Variants in EPHA1 observed in about 807,000 individuals in gnomAD.
EPHA1 encodes EPH receptor A1, also known as ephrin type-A receptor 1.
Under a neutral mutation model 110.1 loss-of-function variants are expected in EPHA1, and 92 were observed. The observed-to-expected ratio is 0.84, with a 90% confidence interval of 0.71 to 0.99. EPHA1 has a LOEUF of 0.99. Ranked by LOEUF, EPHA1 falls within the 50% of genes least tolerant of loss-of-function variation. EPHA1 has a pLI of 0.00. For missense variants in EPHA1, 1,204 were observed against 1,285.4 expected (o/e 0.94, Z 0.97); for synonymous variants, 500 against 516.1 (o/e 0.97, Z 0.42).
chr7:143,396,595 A>T (rs1805259230), intron 10 of EPHA1, 85 bp from the exon 11 acceptor site: 1 of 1,480,982 alleles, frequency 6.8e-7, no homozygotes, highest in Non-Finnish European at 9.2e-7. Flanking sequence ...AGCGGACCAC[A>T]CACTTCTCCA....
At chr7:143,402,831 C>T (rs1805458340) in intron 2 of EPHA1, among the ~76,000 whole-genome samples, 1 of 152,126 alleles carries the variant, frequency 6.6e-6, no homozygotes, top group Non-Finnish European at 1.5e-5. Context: ...AATCATTATA[C>T]CTCTGTGTGC....
At chr7:143,404,149 G>C (rs1412829857) in intron 2 of EPHA1, among the ~76,000 whole-genome samples, 1 of 151,840 alleles carries the variant, frequency 6.6e-6, no homozygotes, top group African/African-American at 2.4e-5. Flanking sequence ...TAAAATTTGT[G>C]TAGGTTGGCT....
intron 3 of EPHA1, chr7:143,400,687 C>G (rs944449570): frequency 1.9e-5 from 3 of 154,102 alleles, no homozygotes; most frequent in Admixed American, 1.9e-4. Context: ...GTCTAAATAA[C>G]TCTGTGCTAC....
chr7:143,401,736 C>T lies in EPHA1; in HGVS notation c.151-131G>A, dbSNP rs1362369351. 4.7e-6 allele frequency: 5 copies of T among 1,067,318 alleles called. No individual in the cohort carries two copies. In the East Asian group the frequency reaches 1.2e-4, roughly 26 times the overall value. 66.1% of individuals were successfully genotyped at this position (1,067,318 alleles called of 1,614,324 possible). On this transcript the variant is annotated intron_variant, in intron 2 of 17. Coordinates refer to ENST00000275815, the MANE Select transcript of EPHA1 (RefSeq NM_005232.5). This position sits in a 1 kb window ranked among gnomAD's most constrained non-coding sequence, Gnocchi z 4.1. ...ATGCTACTTGTTCTGCCTCTCCCCA[C>T]CCCTCAGCTCCAGGACAGTAGACTG...
chr7:143,401,124 C>T lies in EPHA1; in HGVS notation c.432+200G>A, dbSNP rs891982437. 5.9e-6 allele frequency: 4 copies of T among 678,528 alleles called. No homozygotes were observed. In the African/African-American group the frequency reaches 7.2e-5, roughly 12 times the overall value. The allele number at this position is 678,528 out of a possible 1,614,324, so 42.0% of individuals were successfully genotyped here. A position where few individuals can be genotyped will look rare whatever the true frequency, so the allele number is the denominator to read the frequency against. ...CCCAGGCTGGTCTCAAGCTCCTGGCCTCAAGTGATCTTCCCACATCGGTTT... is the reference window on the plus strand; with the variant it reads ...CCCAGGCTGGTCTCAAGCTCCTGGCTTCAAGTGATCTTCCCACATCGGTTT... On this transcript the variant is annotated intron_variant, in intron 3 of 17. Transcript: ENST00000275815. The surrounding 1 kb of genome is among the most constrained non-coding windows in gnomAD (Gnocchi z 4.1).
Position 143,391,496 on chromosome 7 carries a change from C to T in EPHA1, c.2892G>A (p.Gln964=), listed in dbSNP as rs759372771. Residue 964 remains glutamine, a synonymous_variant, in exon 18 of 18, where the codon CAG becomes CAA. Coordinates refer to ENST00000275815, the MANE Select transcript of EPHA1 (RefSeq NM_005232.5). ...TQMGITLPGH[Q]KRILCSIQGF... ...CCTGAATACTGCAAAGAATGCGCTT[C>T]TGGTGCCCGGGCAGTGTGATTCCCA... The T allele has an allele frequency of 1.9e-6, 3 of 1,614,186 alleles. No individual in the cohort carries two copies. In the South Asian group the frequency reaches 3.3e-5, roughly 18 times the overall value.
intron 1 of EPHA1, 50 bp from the exon 2 acceptor site, chr7:143,407,728 C>T (rs762364397): frequency 6.6e-7 from 1 of 1,507,614 alleles, no homozygotes; most frequent in East Asian, 2.3e-5. Flanking sequence ...AGGAGGTGCC[C>T]CTGCAGCCCA....
chr7:143,404,364 T>C (rs1048463025), intron 2 of EPHA1, among the ~76,000 whole-genome samples: 3 of 151,840 alleles, frequency 2.0e-5, no homozygotes, highest in Admixed American at 6.6e-5. Context: ...CTACAGGCGC[T>C]CGCCACCATG....
chr7:143,394,043 T>G, intron 15 of EPHA1, 151 bp downstream of exon 15: 2 of 1,238,860 alleles, frequency 1.6e-6, no homozygotes, highest in Non-Finnish European at 2.2e-6. Flanking sequence ...GAGCAGGGCA[T>G]GAGGTGAAGA....
At chr7:143,391,827 G>A in intron 16 of EPHA1, 52 bp from the exon 17 acceptor site, 1 of 1,594,310 alleles carries the variant, frequency 6.3e-7, no homozygotes, top group South Asian at 1.1e-5. Context: ...TGATCTGGTT[G>A]GCCTTGGCCT....
chr7:143,407,159 G>A (rs1206053189), intron 2 of EPHA1, among the ~76,000 whole-genome samples: 2 of 152,136 alleles, frequency 1.3e-5, no homozygotes, highest in African/African-American at 4.8e-5. Context: ...ACAGAATTTA[G>A]AGTACACTTT....
In EPHA1 at chr7:143,401,512, G is replaced by A. The variant is rs74721927; in HGVS notation, c.244C>T (p.Arg82Cys). 68 of 1,614,126 alleles carry A rather than the reference G, an allele frequency of 4.2e-5. No homozygotes were observed. Among genetic ancestry groups the A allele is most frequent in the East Asian group, 8.9e-5 (4 of 44,878 alleles). Reference sequence around the variant, plus strand: ...TCCCCGCGGTAGATCCAATTGGAGCGAAGCCAGTGGTCAGTGTCTCTGCGT... The same window carrying A: ...TCCCCGCGGTAGATCCAATTGGAGCAAAGCCAGTGGTCAGTGTCTCTGCGT... ...QGRRDTDHWL[R>C]SNWIYRGEEA... The change falls in exon 3 of 18, where the codon CGC (arginine) becomes TGC (cysteine). Residue 82 changes from arginine to cysteine, a missense_variant. Transcript: ENST00000275815. The surrounding 1 kb of genome is among the most constrained non-coding windows in gnomAD (Gnocchi z 4.1).
At chr7:143,408,473 C>T (rs62472728) in intron 1 of EPHA1, among the ~76,000 whole-genome samples, 21,983 of 151,836 alleles carry the variant, frequency 0.14, 2,307 homozygotes, top group East Asian at 0.28. Context: ...GAATTCCCTC[C>T]CCACTCCCAG....
intron 16 of EPHA1, among the ~76,000 whole-genome samples, chr7:143,392,968 G>A (rs1805134000): frequency 6.6e-6 from 1 of 151,990 alleles, no homozygotes; most frequent in African/African-American, 2.4e-5. Flanking sequence ...CAACAACTCT[G>A]CACTCATGGT....
chr7:143,399,772 G>A lies in EPHA1; in HGVS notation c.714C>T (p.Ser238=), dbSNP rs778738186. 5 of 1,611,728 alleles carry A rather than the reference G, an allele frequency of 3.1e-6. No individual in the cohort carries two copies. In the South Asian group the frequency reaches 4.4e-5, roughly 14 times the overall value. The part of the protein sequence containing the change: ...AGTCLPHARA[S]PRPSGAPRMH... ...TGCGGGGTGCACCTGAGGGCCTGGG[G>A]CTGGCCCGCGCGTGGGGCAAGCAGG... The change falls in exon 4 of 18, where the codon AGC becomes AGT. Residue 238 remains serine (S), a synonymous_variant. Coordinates refer to ENST00000275815, the MANE Select transcript of EPHA1 (RefSeq NM_005232.5).
chr7:143,398,661 A>C lies in EPHA1; in HGVS notation c.1276T>G (p.Ser426Ala). The C allele has an allele frequency of 3.1e-6, 5 of 1,614,060 alleles. No individual in the cohort carries two copies. Among genetic ancestry groups the C allele is most frequent in the Non-Finnish European group, 4.2e-6 (5 of 1,179,996 alleles). Residue 426 changes from serine (S) to alanine (A), a missense_variant, in exon 6 of 18, where the codon TCA (serine) becomes GCA (alanine). Transcript: ENST00000275815. The stretch of plus-strand genomic sequence containing the variant: ...GCATGGCCAGAGCTGCCCAGCCCTG[A>C]CACTCCATTTTGGGCTTCCACATTA... ...TFNVEAQNGV[S>A]GLGSSGHAST... is the part of the protein sequence containing the mutation.
At chr7:143,396,648 G>A (rs1805260326) in intron 10 of EPHA1, 138 bp from the exon 11 acceptor site, 1 of 1,053,994 alleles carries the variant, frequency 9.5e-7, no homozygotes, top group South Asian at 1.6e-5. Flanking sequence ...GGGCTGAGGT[G>A]GGAGAAAGTC....
At chr7:143,402,086 TTTTC>T (rs1805436176) in intron 2 of EPHA1, among the ~76,000 whole-genome samples, 1 of 137,580 alleles carries the variant, frequency 7.3e-6, no homozygotes, top group Admixed American at 7.6e-5. Context: ...CTGGGCTATT[TTTTC>T]TTTCTTTTTT....
chr7:143,407,711 C>A, intron 1 of EPHA1, 33 bp from the exon 2 acceptor site: 1 of 1,604,636 alleles, frequency 6.2e-7, no homozygotes, highest in South Asian at 1.1e-5. Flanking sequence ...TCTGTCACCT[C>A]TGGGGGAGGA....
Sources: gnomAD v4.1 joint callset for allele counts (sites outside exome capture counted in the v4.1 genomes callset) on GRCh38, gnomAD v4.1.1 for gene constraint, Gnocchi (gnomAD v3.1) non-coding constraint, MANE v1.5 for transcripts, NCBI Gene and HGNC (gene_info 2026-07-23, HGNC 2026-07-21) for gene names.